Variants in ERC2 observed in about 807,000 individuals in gnomAD.
ERC2 encodes the protein ELKS/RAB6-interacting/CAST family member 2.
A neutral mutation model predicts 114.8 loss-of-function variants in ERC2; 42 were observed. That is an observed-to-expected ratio of 0.37 (90% CI 0.29 to 0.47). ERC2 has a LOEUF of 0.47. Ranked by LOEUF, ERC2 falls within the 20% of genes least tolerant of loss-of-function variation. The pLI is 0.99. For missense variants in ERC2, 939 were observed against 1,150.7 expected (o/e 0.82, Z 2.66); for synonymous variants, 454 against 425.5 (o/e 1.07, Z -0.82).
intron 2 of ERC2, among the ~76,000 whole-genome samples, chr3:56,425,248 A>C (rs781352637): frequency 6.6e-6 from 1 of 152,172 alleles, no homozygotes; most frequent in African/African-American, 2.4e-5. Context: ...CAAGTCCTGG[A>C]GGGAGGATAT....
chr3:55,694,517 A>G (rs115280573), intron 16 of ERC2, among the ~76,000 whole-genome samples: 5 of 152,330 alleles, frequency 3.3e-5, no homozygotes, highest in Non-Finnish European at 7.4e-5. Context: ...TGTAAGTAAA[A>G]TGTGAAATTT....
chr3:55,837,318 A>G (rs561928002), intron 14 of ERC2, among the ~76,000 whole-genome samples: 6 of 152,250 alleles, frequency 3.9e-5, no homozygotes, highest in East Asian at 1.9e-4. Context: ...TGTTTATTGC[A>G]GCACTATTCA....
intron 13 of ERC2, among the ~76,000 whole-genome samples, chr3:55,926,825 T>C (rs1225850837): frequency 1.3e-5 from 2 of 152,186 alleles, no homozygotes; most frequent in East Asian, 3.9e-4. Context: ...GGCAAATCTA[T>C]GAAGATGGGG....
intron 17 of ERC2, among the ~76,000 whole-genome samples, chr3:55,513,625 T>TAC (rs1559578971): frequency 1.3e-5 from 2 of 151,354 alleles, no homozygotes; most frequent in African/African-American, 2.4e-5. Context: ...CATGTATGTA[T>TAC]ATATATATAT....
intron 10 of ERC2, among the ~76,000 whole-genome samples, chr3:55,999,056 T>C (rs1576507334): frequency 6.6e-6 from 1 of 152,270 alleles, no homozygotes; most frequent in South Asian, 2.1e-4. Flanking sequence ...TAAAGATTTA[T>C]TAAAATTTTT....
intron 6 of ERC2, among the ~76,000 whole-genome samples, chr3:56,122,383 A>G (rs2149861302): frequency 6.6e-6 from 1 of 152,290 alleles, no homozygotes; most frequent in East Asian, 1.9e-4. Context: ...GCCCCTGGAG[A>G]AGGGGTGCAA....
intron 3 of ERC2, among the ~76,000 whole-genome samples, chr3:56,292,423 C>CA (rs796877268): frequency 0.017 from 1,302 of 77,028 alleles, 8 homozygotes; most frequent in East Asian, 0.035. Context: ...ACCAAAAATA[C>CA]AAAAAAAAAA....
At chr3:55,800,011 G>A (rs1037669956) in intron 14 of ERC2, among the ~76,000 whole-genome samples, 1 of 152,184 alleles carries the variant, frequency 6.6e-6, no homozygotes, top group African/African-American at 2.4e-5. Context: ...ATCAAGGACC[G>A]AGATGACTTC....
At chr3:56,267,028 A>C (rs942202717) in intron 3 of ERC2, among the ~76,000 whole-genome samples, 2 of 152,196 alleles carry the variant, frequency 1.3e-5, no homozygotes, top group African/African-American at 2.4e-5. Context: ...AGAATCCCTT[A>C]TCCAAAATGC....
chr3:56,400,410 T>G (rs1223960742), intron 2 of ERC2, among the ~76,000 whole-genome samples: 4 of 152,114 alleles, frequency 2.6e-5, no homozygotes, highest in Admixed American at 6.6e-5. Flanking sequence ...TGCCAAAAAA[T>G]TAAACTAAAA....
At chr3:56,228,686 TG>T (rs1434933229) in intron 3 of ERC2, among the ~76,000 whole-genome samples, 2 of 152,234 alleles carry the variant, frequency 1.3e-5, no homozygotes, top group Non-Finnish European at 2.9e-5. Flanking sequence ...TCTGAGTTTC[TG>T]CTTTCAGTTC....
chr3:56,343,192 T>TCTCTCTCTCACACACACA (rs1376220124), intron 2 of ERC2, among the ~76,000 whole-genome samples: 5 of 126,130 alleles, frequency 4.0e-5, no homozygotes, highest in African/African-American at 1.2e-4. Flanking sequence ...TCTCTCTCTC[T>TCTCTCTCTCACACACACA]CACACACACA....
At chr3:55,920,879 A>G (rs1461049958) in intron 13 of ERC2, among the ~76,000 whole-genome samples, 1 of 152,048 alleles carries the variant, frequency 6.6e-6, no homozygotes, top group Non-Finnish European at 1.5e-5. Flanking sequence ...AGGTTATCCC[A>G]TTTGACCACA....
intron 3 of ERC2, among the ~76,000 whole-genome samples, chr3:56,247,357 AT>A (rs2150222239): frequency 6.6e-6 from 1 of 152,376 alleles, no homozygotes; most frequent in African/African-American, 2.4e-5. Context: ...TAAGAAGCAT[AT>A]TTAATAAATC....
intron 3 of ERC2, among the ~76,000 whole-genome samples, chr3:56,277,313 G>T (rs1288728126): frequency 2.0e-5 from 3 of 152,104 alleles, no homozygotes; most frequent in Admixed American, 1.3e-4. Flanking sequence ...GCAGGGACAG[G>T]GGGAGGTGAA....
chr3:55,662,275 T>C (rs1261433618), intron 17 of ERC2, among the ~76,000 whole-genome samples: 1 of 152,232 alleles, frequency 6.6e-6, no homozygotes, highest in Non-Finnish European at 1.5e-5. Flanking sequence ...CACAAAATTA[T>C]TTACTGCAGT....
intron 3 of ERC2, among the ~76,000 whole-genome samples, chr3:56,228,801 G>A (rs576045618): frequency 1.3e-5 from 2 of 152,150 alleles, no homozygotes; most frequent in East Asian, 3.9e-4. Flanking sequence ...ATTTTTAAAA[G>A]TGTAAAATAA....
intron 3 of ERC2, among the ~76,000 whole-genome samples, chr3:56,193,991 G>T (rs904689306): frequency 6.6e-6 from 1 of 152,124 alleles, no homozygotes; most frequent in Admixed American, 6.6e-5. Context: ...ATTAGTTTGG[G>T]AAGATCATCC....
intron 6 of ERC2, among the ~76,000 whole-genome samples, chr3:56,108,409 A>C (rs9828337): frequency 0.17 from 26,128 of 152,144 alleles, 2,445 homozygotes; most frequent in African/African-American, 0.23. Flanking sequence ...GATAAAGATA[A>C]TATTATTTGC....
Sources: gnomAD v4.1 joint callset for allele counts (sites outside exome capture counted in the v4.1 genomes callset) on GRCh38, gnomAD v4.1.1 for gene constraint, MANE v1.5 for transcripts, NCBI Gene and HGNC (gene_info 2026-07-23, HGNC 2026-07-21) for gene names.